GFM2: variants seen among roughly 807,000 people sequenced by gnomAD.
GFM2 encodes the protein ribosome-releasing factor 2, mitochondrial.
In GFM2, 72 loss-of-function variants were observed where a neutral mutation model predicts 95.4. That is an observed-to-expected ratio of 0.76 (90% CI 0.62 to 0.92). The LOEUF (loss-of-function observed/expected upper bound fraction) is 0.92. GFM2 is among the 40% of genes least tolerant of loss of function. The pLI is 0.00. For synonymous variants in GFM2, 276 were observed against 317.5 expected (o/e 0.87, Z 1.39); for missense variants, 825 against 924.1 (o/e 0.89, Z 1.39).
chr5:74,734,023 TAAAGA>T (rs1742705016), intron 15 of GFM2, among the ~76,000 whole-genome samples: 1 of 152,112 alleles, frequency 6.6e-6, no homozygotes. Flanking sequence ...AAAGTGTAGC[TAAAGA>T]AAAGAGCTGA....
chr5:74,757,166 C>T (rs1472393381), intron 5 of GFM2, among the ~76,000 whole-genome samples: 1 of 151,664 alleles, frequency 6.6e-6, no homozygotes, highest in Non-Finnish European at 1.5e-5. Flanking sequence ...TATAATAAAC[C>T]AGTTATGATA....
chr5:74,723,385 C>T lies in GFM2; in HGVS notation c.2029-824G>A, dbSNP rs1000700059. 3.3e-5 allele frequency among the ~76,000 whole-genome samples: 5 copies of T among 152,186 alleles called. 1 individual carries two copies. Among genetic ancestry groups the T allele is most frequent in the Non-Finnish European group, 5.9e-5 (4 of 68,026 alleles). On this transcript the variant is annotated intron_variant, in intron 19 of 20. Coordinates refer to ENST00000296805, the MANE Select transcript of GFM2 (RefSeq NM_032380.5). ...CCCACACTGAGCTCATCATTTTCTT[C>T]TCCAAACACTTCTATGCACATCCCT...
intron 17 of GFM2, among the ~76,000 whole-genome samples, chr5:74,727,659 G>T (rs979614411): frequency 6.6e-6 from 1 of 152,068 alleles, no homozygotes; most frequent in African/African-American, 2.4e-5. Flanking sequence ...TCTTCAAGCT[G>T]GTTCCTGTGT....
intron 5 of GFM2, among the ~76,000 whole-genome samples, chr5:74,755,895 GAC>G (rs1014928236): frequency 6.6e-6 from 1 of 152,000 alleles, no homozygotes; most frequent in Non-Finnish European, 1.5e-5. Context: ...AGCAGGAAAA[GAC>G]ACAACAAAAA....
intron 4 of GFM2, among the ~76,000 whole-genome samples, 166 bp downstream of exon 4, chr5:74,759,203 T>C (rs1744150440): frequency 6.6e-6 from 1 of 150,932 alleles, no homozygotes; most frequent in Non-Finnish European, 1.5e-5. Context: ...TAAAAATTTT[T>C]AGCATTAATT....
chr5:74,753,910 A>G (rs1158129056), intron 5 of GFM2, among the ~76,000 whole-genome samples: 3 of 152,176 alleles, frequency 2.0e-5, no homozygotes, highest in African/African-American at 7.2e-5. Flanking sequence ...TTAGGCACAG[A>G]GTCATCAGGT....
chr5:74,726,112 TTCTA>T lies in GFM2; in HGVS notation c.1737_1740del (p.Asp579GlufsTer3), dbSNP rs764931275. On this transcript the variant is annotated frameshift_variant, in exon 18 of 21. Coordinates refer to ENST00000296805, the MANE Select transcript of GFM2 (RefSeq NM_032380.5). LOFTEE classifies it high-confidence loss of function. ...ACAAGATGCCTTTTGTCTCCTAAAG[TTCTA>T]TCTAAGGTATCTGTAAACAAATTGA... is the stretch of plus-strand genomic sequence containing the variant. The T allele has an allele frequency of 7.5e-6, 12 of 1,607,816 alleles. No homozygotes were observed. The highest frequency in any genetic ancestry group is 9.3e-6 in the Non-Finnish European group (11 of 1,177,876).
intron 19 of GFM2, among the ~76,000 whole-genome samples, chr5:74,723,367 T>A (rs889088215): frequency 1.3e-5 from 2 of 152,212 alleles, no homozygotes; most frequent in African/African-American, 4.8e-5. Context: ...TGTCCCACAC[T>A]GAGCTCATCA....
Position 74,726,084 on chromosome 5 carries a change from GTCACAA to G in GFM2, c.1763_1768del (p.Leu588_Thr590delinsPro). 1 of 1,612,090 alleles carries G rather than the reference GTCACAA, an allele frequency of 6.2e-7. No homozygotes were observed. The highest frequency in any genetic ancestry group is 8.5e-7 in the Non-Finnish European group (1 of 1,179,474). On this transcript the variant is annotated inframe_deletion, in exon 18 of 21. Coordinates refer to ENST00000296805, the MANE Select transcript of GFM2 (RefSeq NM_032380.5). ...AATTGGCCTTGCTTCCACTTCTACA[GTCACAA>G]GATGCCTTTTGTCTCCTAAAGTTCT...
At chr5:74,732,128 ATTT>A (rs533165001) in intron 16 of GFM2, among the ~76,000 whole-genome samples, 1 of 85,438 alleles carries the variant, frequency 1.2e-5, no homozygotes, top group Non-Finnish European at 2.3e-5. Flanking sequence ...CTAATTTTTA[ATTT>A]TTTTTTTTTT....
chr5:74,757,858 T>TA (rs1744076460), intron 5 of GFM2, among the ~76,000 whole-genome samples: 1 of 151,898 alleles, frequency 6.6e-6, no homozygotes, highest in South Asian at 2.1e-4. Context: ...GACAAATACT[T>TA]ACGATTCCAT....
At chr5:74,737,224 C>T (rs1742881322) in intron 14 of GFM2, among the ~76,000 whole-genome samples, 1 of 152,190 alleles carries the variant, frequency 6.6e-6, no homozygotes, top group East Asian at 1.9e-4. Context: ...AAAACACACA[C>T]ACATACACAT....
chr5:74,758,549 G>T (rs1744113071), intron 5 of GFM2, among the ~76,000 whole-genome samples: 1 of 152,286 alleles, frequency 6.6e-6, no homozygotes, highest in South Asian at 2.1e-4. Flanking sequence ...CTGCTATAAG[G>T]ACTCTACTAG....
At position 74,721,242 on chromosome 5, in the gene GFM2, A is replaced by G. The variant is rs990943795; in HGVS notation, c.*413T>C. ...CAACTTTATTTTGAAATCATGTAAA[A>G]TAAGATATTAGACTGTTTTTTGAAT... On this transcript the variant is annotated 3_prime_UTR_variant, in exon 21 of 21. Transcript: ENST00000296805. The G allele has an allele frequency of 8.2e-7, 1 of 1,225,448 alleles. No homozygotes were observed. The highest frequency in any genetic ancestry group is 1.7e-5 in the Admixed American group (1 of 59,130). The allele number at this position is 1,225,448 out of a possible 1,614,324, so 75.9% of individuals were successfully genotyped here. A position where few individuals can be genotyped will look rare whatever the true frequency, so the allele number is the denominator to read the frequency against.
chr5:74,752,580 ATAAC>A (rs1207489832), intron 5 of GFM2, among the ~76,000 whole-genome samples: 1 of 152,214 alleles, frequency 6.6e-6, no homozygotes, highest in Non-Finnish European at 1.5e-5. Flanking sequence ...TACAGACCAA[ATAAC>A]TAACTATAAG....
At position 74,722,344 on chromosome 5, in the gene GFM2, G is replaced by A. The variant is rs186461915; in HGVS notation, c.2211+35C>T. The A allele has an allele frequency of 5.9e-6, 9 of 1,534,808 alleles. No homozygotes were observed. The East Asian group carries it at 1.8e-4, about 31-fold the overall frequency. On this transcript the variant is annotated intron_variant, in intron 20 of 20. Coordinates refer to ENST00000296805, the MANE Select transcript of GFM2 (RefSeq NM_032380.5). Reference sequence around the variant, plus strand: ...TGGCATATAATATCCCCTGAATTAAGAAGAATATGTACTTTTCAGTTACAA... The same window carrying A: ...TGGCATATAATATCCCCTGAATTAAAAAGAATATGTACTTTTCAGTTACAA...
chr5:74,721,289 C>T lies in GFM2; in HGVS notation c.*366G>A, dbSNP rs751354498. 8.9e-6 allele frequency: 8 copies of T among 895,014 alleles called. No individual in the cohort carries two copies. In the East Asian group the frequency reaches 1.3e-4, roughly 15 times the overall value. 55.4% of individuals were successfully genotyped at this position (895,014 alleles called of 1,614,324 possible). On this transcript the variant is annotated 3_prime_UTR_variant, in exon 21 of 21. Transcript: ENST00000296805. ...GAATAAAATATTTTTATTGATTGAA[C>T]CTTTGACCCTCTATCTTATTACATT...
At chr5:74,754,603 A>T (rs977349146) in intron 5 of GFM2, among the ~76,000 whole-genome samples, 2 of 114,374 alleles carry the variant, frequency 1.7e-5, no homozygotes, top group Admixed American at 1.7e-4. Flanking sequence ...AGCAGCAGTT[A>T]AAAAAGACAA....
chr5:74,728,597 T>TTA (rs1750258404), intron 17 of GFM2, among the ~76,000 whole-genome samples: 1 of 152,082 alleles, frequency 6.6e-6, no homozygotes, highest in African/African-American at 2.4e-5. Flanking sequence ...AGATAGTATT[T>TTA]TATATTCTAC....
Sources: gnomAD v4.1 joint callset for allele counts (sites outside exome capture counted in the v4.1 genomes callset) on GRCh38, gnomAD v4.1.1 for gene constraint, MANE v1.5 for transcripts, NCBI Gene and HGNC (gene_info 2026-07-23, HGNC 2026-07-21) for gene names.